The following GPD2 variants were observed in gnomAD, a reference collection of about 807,000 sequenced individuals.
The protein encoded by GPD2 is glycerol-3-phosphate dehydrogenase 2, also known as glycerol-3-phosphate dehydrogenase, mitochondrial.
In GPD2, 54 loss-of-function variants were observed where a neutral mutation model predicts 82.4. The observed-to-expected ratio is 0.66, with a 90% CI of 0.53 to 0.82. The LOEUF is 0.82. Ranked by LOEUF, GPD2 falls within the 40% of genes least tolerant of loss-of-function variation. GPD2 has a pLI of 0.00. For missense variants in GPD2, 748 were observed against 896.2 expected (o/e 0.83, Z 2.11); for synonymous variants, 288 against 306.1 (o/e 0.94, Z 0.62).
the GPD2 span, among the ~76,000 whole-genome samples, chr2:156,427,166 G>C: frequency 6.6e-6 from 1 of 152,212 alleles, no homozygotes. Context: ...GGCCTTGACT[G>C]AGGCAGCTTT....
chr2:156,519,033 A>G (rs1014737441), intron 6 of GPD2, among the ~76,000 whole-genome samples: 3 of 152,234 alleles, frequency 2.0e-5, no homozygotes, highest in Non-Finnish European at 4.4e-5. Flanking sequence ...GGAGGAACAC[A>G]TTAGAACTTC....
chr2:156,419,114 C>T, the GPD2 span, among the ~76,000 whole-genome samples: 1 of 124,670 alleles, frequency 8.0e-6, no homozygotes, highest in African/African-American at 3.1e-5. Context: ...GGCTGGAGTG[C>T]AATGGTGCAA....
At chr2:156,545,731 G>T (rs985040442) in intron 6 of GPD2, among the ~76,000 whole-genome samples, 3 of 151,820 alleles carry the variant, frequency 2.0e-5, no homozygotes, top group African/African-American at 7.3e-5. Flanking sequence ...TTATACCTGT[G>T]TTTTTTTCAT....
intron 3 of GPD2, among the ~76,000 whole-genome samples, chr2:156,510,422 A>C (rs1458460761): frequency 6.6e-6 from 1 of 152,194 alleles, no homozygotes; most frequent in Non-Finnish European, 1.5e-5. Flanking sequence ...CTGTTGTGAG[A>C]GATGAACGAG....
intron 3 of GPD2, among the ~76,000 whole-genome samples, chr2:156,499,385 C>T (rs573820316): frequency 6.6e-6 from 1 of 152,082 alleles, no homozygotes; most frequent in East Asian, 1.9e-4. Flanking sequence ...AAAAATGAGA[C>T]AAGATTCTAT....
intron 13 of GPD2, among the ~76,000 whole-genome samples, chr2:156,572,958 T>C (rs1355256305): frequency 6.6e-6 from 1 of 152,092 alleles, no homozygotes; most frequent in East Asian, 1.9e-4. Context: ...GTGTCCTAGT[T>C]TATAGACAAA....
At chr2:156,426,044 TC>T in the GPD2 span, among the ~76,000 whole-genome samples, 20 of 151,396 alleles carry the variant, frequency 1.3e-4, no homozygotes, top group East Asian at 7.9e-4. Flanking sequence ...TGCCTTAGCC[TC>T]CCCGAGTAGC....
chr2:156,571,898 CT>C (rs1687654500), intron 13 of GPD2, among the ~76,000 whole-genome samples: 1 of 152,068 alleles, frequency 6.6e-6, no homozygotes, highest in Non-Finnish European at 1.5e-5. Flanking sequence ...TCATAAAATA[CT>C]TTCTGTATTC....
rs747116441 is a variant in GPD2 at position 156,579,697 on chromosome 2, A to G, written c.1967A>G (p.Asn656Ser). The G allele has an allele frequency of 1.4e-5, 19 of 1,377,148 alleles. No homozygotes were observed. Among genetic ancestry groups the G allele is most frequent in the Middle Eastern group, 1.8e-4 (1 of 5,620 alleles). The allele number at this position is 1,377,148 out of a possible 1,614,324, so 85.3% of individuals were successfully genotyped here. A position where few individuals can be genotyped will look rare whatever the true frequency, so the allele number is the denominator to read the frequency against. Residue 656 changes from asparagine to serine, a missense_variant, in exon 16 of 17, where the codon AAT becomes AGT. Asn to Ser is a conservative substitution (Grantham distance 46). Transcript: ENST00000438166. ...VDVQRVLESI[N>S]VQMDENTLHE... The stretch of plus-strand genomic sequence containing the variant: ...TGCTTTTCTTTTACTTAGAGTATCA[A>G]TGTCCAAATGGATGAAAATACACTC...
At chr2:156,411,407 C>A in the GPD2 span, among the ~76,000 whole-genome samples, 1 of 152,082 alleles carries the variant, frequency 6.6e-6, no homozygotes, top group Non-Finnish European at 1.5e-5. Context: ...CCTCCACCTC[C>A]TGAATTCAAG....
At chr2:156,571,372 G>C in intron 13 of GPD2, 80 bp downstream of exon 13, 1 of 844,642 alleles carries the variant, frequency 1.2e-6, no homozygotes, top group Non-Finnish European at 1.8e-6. Context: ...AGCTAGCGTA[G>C]TTTTTGATGA....
At chr2:156,500,427 C>G (rs1684547867) in intron 3 of GPD2, among the ~76,000 whole-genome samples, 1 of 152,126 alleles carries the variant, frequency 6.6e-6, no homozygotes, top group Non-Finnish European at 1.5e-5. Flanking sequence ...TGCATTGTTG[C>G]TGTTCATTCA....
chr2:156,542,262 A>G (rs1686350635), intron 6 of GPD2, among the ~76,000 whole-genome samples: 1 of 152,148 alleles, frequency 6.6e-6, no homozygotes, highest in South Asian at 2.1e-4. Context: ...GCCCAGGATA[A>G]TGAAAAGGAT....
chr2:156,442,386 G>A lies in GPD2; in HGVS notation c.-9+5873G>A, dbSNP rs1160973380. On this transcript the variant is annotated intron_variant, in intron 1 of 16. Coordinates refer to ENST00000438166, the MANE Select transcript of GPD2 (RefSeq NM_000408.5). ...GTTTATGTTCAGGGTAAACTTATTA[G>A]GAAAAACTTTGGTCAAGATTTCAAG... is the stretch of plus-strand genomic sequence containing the variant. Among the ~76,000 whole-genome samples, 18 of 152,206 alleles carry A rather than the reference G, an allele frequency of 1.2e-4. No homozygotes were observed. In the South Asian group the frequency reaches 3.5e-3, roughly 30 times the overall value.
At chr2:156,407,311 T>A in the GPD2 span, among the ~76,000 whole-genome samples, 1 of 152,206 alleles carries the variant, frequency 6.6e-6, no homozygotes, top group African/African-American at 2.4e-5. Flanking sequence ...ATTTTTTTAA[T>A]CTCTTTTTTG....
chr2:156,556,612 T>G (rs1399915010), intron 8 of GPD2, among the ~76,000 whole-genome samples: 2 of 152,182 alleles, frequency 1.3e-5, no homozygotes, highest in Admixed American at 6.5e-5. Flanking sequence ...ATGTAGTCTT[T>G]CAGTAGAGGC....
chr2:156,585,721 T>G lies in GPD2; in HGVS notation c.*2803T>G, dbSNP rs1485998946. 1 of 152,452 alleles carries G rather than the reference T, an allele frequency of 6.6e-6. No homozygotes were observed. The highest frequency in any genetic ancestry group is 1.5e-5 in the Non-Finnish European group (1 of 67,970). 9.4% of individuals were successfully genotyped at this position (152,452 alleles called of 1,614,324 possible). On this transcript the variant is annotated 3_prime_UTR_variant, in exon 17 of 17. Transcript: ENST00000438166. ...CTAAATATACTGTAGGAGTCATCAT[T>G]GATGTTATTTTTCTCTTATGTATCT...
chr2:156,451,812 G>T (rs1413948074), intron 1 of GPD2, among the ~76,000 whole-genome samples: 1 of 151,886 alleles, frequency 6.6e-6, no homozygotes, highest in Admixed American at 6.6e-5. Context: ...TCCCAGACGG[G>T]GTGGCTGCCA....
Position 156,527,456 on chromosome 2 carries a change from C to T in GPD2, c.661+13960C>T, listed in dbSNP as rs114222420. ...CCCTCTGTAGATCATTATATCCACT[C>T]AAGCATGAACCACACAACACCTATT... On this transcript the variant is annotated intron_variant, in intron 6 of 16. Coordinates refer to ENST00000438166, the MANE Select transcript of GPD2 (RefSeq NM_000408.5). Among the ~76,000 whole-genome samples, 999 of 152,168 alleles carry T rather than the reference C, an allele frequency of 6.6e-3. 12 individuals carry two copies. Among genetic ancestry groups the T allele is most frequent in the African/African-American group, 0.023 (956 of 41,540 alleles).
Sources: allele counts gnomAD v4.1 joint callset (sites outside exome capture counted in the v4.1 genomes callset), GRCh38; gene constraint gnomAD v4.1.1; transcripts MANE v1.5; gene names NCBI Gene and HGNC (gene_info 2026-07-23, HGNC 2026-07-21).